Variants in MAPK11 observed in about 807,000 individuals in gnomAD.
MAPK11 encodes the protein mitogen-activated protein kinase 11, also known as MAP kinase 11.
Under a neutral mutation model 52.2 loss-of-function variants are expected in MAPK11, and 44 were observed. The observed-to-expected ratio is 0.84, with a 90% CI of 0.66 to 1.08. MAPK11 has a LOEUF of 1.08. Among genes scored for constraint, MAPK11 ranks in the 50% least tolerant of loss-of-function variants. The pLI is 0.00. For missense variants in MAPK11, 436 were observed against 494.7 expected (o/e 0.88, Z 1.13); for synonymous variants, 233 against 206.3 (o/e 1.13, Z -1.11).
chr22:50,268,171 A>G (rs934019941), intron 1 of MAPK11, among the ~76,000 whole-genome samples: 2 of 152,082 alleles, frequency 1.3e-5, no homozygotes, highest in African/African-American at 4.8e-5. Context: ...GCGTGTGTTC[A>G]CCCCACAAGG....
At position 50,266,933 on chromosome 22, in the gene MAPK11, C is replaced by G; in HGVS notation, c.610+1G>C. 1 of 1,608,736 alleles carries G rather than the reference C, an allele frequency of 6.2e-7. No homozygotes were observed. Among genetic ancestry groups the G allele is most frequent in the Non-Finnish European group, 8.5e-7 (1 of 1,179,672 alleles). On this transcript the variant is annotated splice_donor_variant, in intron 7 of 11. Coordinates refer to ENST00000330651, the MANE Select transcript of MAPK11 (RefSeq NM_002751.7). LOFTEE classifies it high-confidence loss of function. ...GTCCCCCCAAGGCCTTCCCCCTGCA[C>G]CTGTTTGGTTGTAATGCATCCAGTT...
At position 50,264,822 on chromosome 22, in the gene MAPK11, G is replaced by C. The variant is rs2065249194; in HGVS notation, c.*126C>G. ...GCGTGTAGATTCTCCTGAAGGCGAG[G>C]GGTCCTAGGCCAGAAGTCTGTGACC... On this transcript the variant is annotated 3_prime_UTR_variant, in exon 12 of 12. Transcript: ENST00000330651. 5 of 625,150 alleles carry C rather than the reference G, an allele frequency of 8.0e-6. No individual in the cohort carries two copies. The East Asian group carries it at 1.4e-4, about 18-fold the overall frequency. 38.7% of individuals were successfully genotyped at this position (625,150 alleles called of 1,614,324 possible).
rs2065272543 is a variant in MAPK11, at chr22:50,267,411, T to C, written c.377A>G (p.His126Arg). The change falls in exon 4 of 12, where the codon CAC becomes CGC. Residue 126 changes from histidine (H) to arginine (R), a missense_variant. Transcript: ENST00000330651. ...IVKCQALSDE[H>R]VQFLVYQLLR... ...CAGCTGGTAAACCAGGAATTGAACG[T>C]GCTCGTCGCTCAGCGCCTGGCACTT... is the stretch of plus-strand genomic sequence containing the variant. 6.2e-7 allele frequency: 1 copy of C among 1,610,068 alleles called. No individual in the cohort carries two copies. Among genetic ancestry groups the C allele is most frequent in the Non-Finnish European group, 8.5e-7 (1 of 1,178,946 alleles).
intron 6 of MAPK11, 38 bp from the exon 7 acceptor site, chr22:50,267,086 G>T (rs370223620): frequency 6.2e-7 from 1 of 1,611,294 alleles, no homozygotes; most frequent in Middle Eastern, 1.7e-4. Flanking sequence ...CTCCGCACGG[G>T]CTCCGCCGCC....
intron 1 of MAPK11, among the ~76,000 whole-genome samples, chr22:50,269,622 T>G (rs1314969620): frequency 1.3e-5 from 2 of 152,264 alleles, no homozygotes; most frequent in East Asian, 3.9e-4. Context: ...TCTGTCGTCT[T>G]CCTGGGCCCC....
rs1033952997 is a variant in MAPK11 at position 50,267,793 on chromosome 22, T to G, written c.246+27A>C. 6 of 1,013,662 alleles carry G rather than the reference T, an allele frequency of 5.9e-6. No individual in the cohort carries two copies. In the African/African-American group the frequency reaches 6.0e-5, roughly 10 times the overall value. The allele number at this position is 1,013,662 out of a possible 1,614,324, so 62.8% of individuals were successfully genotyped here. On this transcript the variant is annotated intron_variant, in intron 2 of 11. Coordinates refer to ENST00000330651, the MANE Select transcript of MAPK11 (RefSeq NM_002751.7). ...CGCGGCCCCGCCCCCGCACGCGCCC[T>G]CCCCCCACGGCCCTCCCCCGGCTCA...
chr22:50,268,993 C>G (rs2065287461), intron 1 of MAPK11, among the ~76,000 whole-genome samples: 1 of 152,144 alleles, frequency 6.6e-6, no homozygotes, highest in South Asian at 2.1e-4. Flanking sequence ...TGGCACCTGG[C>G]CCGCAGCCTT....
chr22:50,267,750 C>T, intron 2 of MAPK11, 70 bp downstream of exon 2: 1 of 1,457,314 alleles, frequency 6.9e-7, no homozygotes, highest in Non-Finnish European at 9.1e-7. Context: ...CCAGGGCTCG[C>T]CCGCCTATTG....
At chr22:50,267,235 C>A in intron 5 of MAPK11, 22 bp downstream of exon 5, 1 of 1,608,400 alleles carries the variant, frequency 6.2e-7, no homozygotes, top group Admixed American at 1.7e-5. Flanking sequence ...GGACCCGACC[C>A]TCACCCTGCG....
intron 2 of MAPK11, 87 bp from the exon 3 acceptor site, chr22:50,267,714 C>T (rs2065276605): frequency 1.4e-6 from 2 of 1,440,972 alleles, no homozygotes; most frequent in Non-Finnish European, 1.8e-6. Context: ...TGCCAGGCCG[C>T]GCCCCCTGTG....
rs754232307 is a variant in MAPK11, at chr22:50,266,212, G to A, written c.762+14C>T. 9 of 1,569,616 alleles carry A rather than the reference G, an allele frequency of 5.7e-6. No homozygotes were observed. The highest frequency in any genetic ancestry group is 4.7e-5 in the South Asian group (4 of 85,968). The stretch of plus-strand genomic sequence containing the variant: ...CCAGGAGAGGGAGCTGCTGGCTGGC[G>A]GGCACCAACTCACGTGTTCTGAGGA... On this transcript the variant is annotated intron_variant, in intron 9 of 11. Coordinates refer to ENST00000330651, the MANE Select transcript of MAPK11 (RefSeq NM_002751.7).
rs890655958 is a variant in MAPK11 at position 50,270,359 on chromosome 22, C to T, written c.-67G>A. 1 of 567,244 alleles carries T rather than the reference C, an allele frequency of 1.8e-6. No individual in the cohort carries two copies. 35.1% of individuals were successfully genotyped at this position (567,244 alleles called of 1,614,324 possible). On this transcript the variant is annotated 5_prime_UTR_variant, in exon 1 of 12. Coordinates refer to ENST00000330651, the MANE Select transcript of MAPK11 (RefSeq NM_002751.7). This position sits in a 1 kb window ranked among gnomAD's most constrained non-coding sequence, Gnocchi z 6.3. ...CCCGCGCCCGCGCCCGAGCCGAGCC[C>T]GAGCCGAGCGGAGCGGAGGGCGGCG... is the stretch of plus-strand genomic sequence containing the variant.
In MAPK11 at chr22:50,268,606, C is replaced by A. The variant is rs1021379912; in HGVS notation, c.117-657G>T. On this transcript the variant is annotated intron_variant, in intron 1 of 11. Coordinates refer to ENST00000330651, the MANE Select transcript of MAPK11 (RefSeq NM_002751.7). ...ACCCTGCACCAGCTTCCTGAGCCCA[C>A]CCTCCCTTTGCAGGTGACCCTCATC... Among the ~76,000 whole-genome samples, 3 of 152,296 alleles carry A rather than the reference C, an allele frequency of 2.0e-5. No individual in the cohort carries two copies. The East Asian group carries it at 5.8e-4, about 29-fold the overall frequency.
Position 50,270,191 on chromosome 22 carries a change from G to T in MAPK11, c.102C>A (p.Ala34=). 6.8e-7 allele frequency: 1 copy of T among 1,479,248 alleles called. No homozygotes were observed. Among genetic ancestry groups the T allele is most frequent in the Non-Finnish European group, 8.9e-7 (1 of 1,119,102 alleles). The allele number at this position is 1,479,248 out of a possible 1,614,324, so 91.6% of individuals were successfully genotyped here. The change falls in exon 1 of 12, where the codon GCC becomes GCA. Residue 34 remains alanine (A), a synonymous_variant. Coordinates refer to ENST00000330651, the MANE Select transcript of MAPK11 (RefSeq NM_002751.7). This position sits in a 1 kb window ranked among gnomAD's most constrained non-coding sequence, Gnocchi z 6.3. ...CCCGCCCCTACCAGACGGAGCCGTAGGCGCCGGAGCCCACCGGGCGCAGCC... is the reference window on the plus strand; with the variant it reads ...CCCGCCCCTACCAGACGGAGCCGTATGCGCCGGAGCCCACCGGGCGCAGCC... ...LQGLRPVGSG[A]YGSVCSAYDA...
At chr22:50,266,476 G>C in intron 8 of MAPK11, 64 bp downstream of exon 8, 8 of 1,464,434 alleles carry the variant, frequency 5.5e-6, no homozygotes, top group Middle Eastern at 3.6e-4. Flanking sequence ...AGGGGCCAGC[G>C]CTGGTCCCTA....
rs1481561458 is a variant in MAPK11 at position 50,264,072 on chromosome 22, C to T, written c.*876G>A. On this transcript the variant is annotated 3_prime_UTR_variant, in exon 12 of 12. Coordinates refer to ENST00000330651, the MANE Select transcript of MAPK11 (RefSeq NM_002751.7). ...CCACCCACCCACCCACCCCCAGCCT[C>T]AGGAAGCTGCTGTGGGTCCCACATC... The T allele has an allele frequency of 1.3e-5, 2 of 150,922 alleles. No individual in the cohort carries two copies. The highest frequency in any genetic ancestry group is 2.9e-5 in the Non-Finnish European group (2 of 67,852). The allele number at this position is 150,922 out of a possible 1,614,324, so 9.3% of individuals were successfully genotyped here.
chr22:50,269,673 G>GGTCTGAGGGGGA (rs2065292556), intron 1 of MAPK11, among the ~76,000 whole-genome samples: 1 of 152,184 alleles, frequency 6.6e-6, no homozygotes, highest in Non-Finnish European at 1.5e-5. Flanking sequence ...TGGGGTTTGT[G>GGTCTGAGGGGGA]GTCTGAGGGG....
chr22:50,267,235 C>T (rs1483090554), intron 5 of MAPK11, 22 bp downstream of exon 5: 5 of 1,608,400 alleles, frequency 3.1e-6, no homozygotes, highest in South Asian at 2.2e-5. Flanking sequence ...GGACCCGACC[C>T]TCACCCTGCG....
Position 50,270,079 on chromosome 22 carries a change from G to A in MAPK11, c.116+98C>T. The A allele has an allele frequency of 4.3e-6, 2 of 465,620 alleles. No individual in the cohort carries two copies. The highest frequency in any genetic ancestry group is 8.1e-5 in the East Asian group (2 of 24,838). 28.8% of individuals were successfully genotyped at this position (465,620 alleles called of 1,614,324 possible). ...CGCCCGGGGGCGGAGGCAGGGCGAGGCCCCTCCCCACGCCGAGAACCTCGC... is the reference window on the plus strand; with the variant it reads ...CGCCCGGGGGCGGAGGCAGGGCGAGACCCCTCCCCACGCCGAGAACCTCGC... On this transcript the variant is annotated intron_variant, in intron 1 of 11. Transcript: ENST00000330651. The surrounding 1 kb of genome is among the most constrained non-coding windows in gnomAD (Gnocchi z 6.3).
Sources: gnomAD v4.1 joint callset for allele counts (sites outside exome capture counted in the v4.1 genomes callset) on GRCh38, gnomAD v4.1.1 for gene constraint, Gnocchi (gnomAD v3.1) non-coding constraint, MANE v1.5 for transcripts, NCBI Gene and HGNC (gene_info 2026-07-23, HGNC 2026-07-21) for gene names.